Variants in SVEP1 observed in about 807,000 individuals in gnomAD.
SVEP1 encodes sushi, von Willebrand factor type A, EGF and pentraxin domain containing 1.
A neutral mutation model predicts 367.3 loss-of-function variants in SVEP1; 164 were observed. The observed-to-expected ratio is 0.45, with a 90% CI of 0.39 to 0.51. SVEP1 has a LOEUF of 0.51. SVEP1 is among the 20% of genes least tolerant of loss of function. The pLI is 0.00. For missense variants in SVEP1, 4,117 were observed against 4,425.3 expected, an observed-to-expected ratio of 0.93 and a Z score of 1.98; for synonymous variants, 1,666 against 1,611.6, an observed-to-expected ratio of 1.03 and a Z score of -0.81.
intron 26 of SVEP1, among the ~76,000 whole-genome samples, chr9:110,445,203 T>C (rs970632640): frequency 6.6e-6 from 1 of 152,140 alleles, no homozygotes; most frequent in Non-Finnish European, 1.5e-5. Context: ...TGATAAATAA[T>C]GTGGACAGTT....
intron 40 of SVEP1, among the ~76,000 whole-genome samples, chr9:110,389,956 CACAT>C (rs1827602872): frequency 6.7e-6 from 1 of 149,092 alleles, no homozygotes; most frequent in Non-Finnish European, 1.5e-5. Flanking sequence ...TATATACACA[CACAT>C]ACACAATAGA....
intron 18 of SVEP1, among the ~76,000 whole-genome samples, chr9:110,464,076 T>C (rs1828901029): frequency 6.6e-6 from 1 of 152,176 alleles, no homozygotes; most frequent in Non-Finnish European, 1.5e-5. Flanking sequence ...ATAAAAATCC[T>C]AGTTGCTTTT....
chr9:110,449,772 T>C (rs1212955907), intron 24 of SVEP1, among the ~76,000 whole-genome samples: 3 of 152,232 alleles, frequency 2.0e-5, no homozygotes, highest in Non-Finnish European at 4.4e-5. Flanking sequence ...TTATATTTCA[T>C]CTTTTATGAC....
intron 3 of SVEP1, among the ~76,000 whole-genome samples, chr9:110,529,812 G>T (rs1428328996): frequency 2.0e-5 from 3 of 152,036 alleles, no homozygotes; most frequent in African/African-American, 7.2e-5. Flanking sequence ...ATCGTCAGCA[G>T]AGTTAGTTTG....
intron 1 of SVEP1, among the ~76,000 whole-genome samples, chr9:110,565,743 G>T (rs150660663): frequency 2.0e-5 from 3 of 151,836 alleles, no homozygotes; most frequent in Non-Finnish European, 4.4e-5. Context: ...CCTGCCTTCC[G>T]CTTGGTCATG....
intron 1 of SVEP1, among the ~76,000 whole-genome samples, chr9:110,572,878 G>A (rs771581118): frequency 9.3e-5 from 14 of 150,604 alleles, no homozygotes; most frequent in Non-Finnish European, 1.8e-4. Flanking sequence ...ACGTACTGAG[G>A]ATTTATTTCT....
Position 110,446,882 on chromosome 9 carries a change from C to T in SVEP1, c.4261+18G>A, listed in dbSNP as rs1588057394. On this transcript the variant is annotated intron_variant, in intron 25 of 47. Coordinates refer to ENST00000374469, the MANE Select transcript of SVEP1 (RefSeq NM_153366.4). ...CTATTGTTAGTATTGTTATTAATAACACTGAGTTGATACATACCTGTTTCA... is the reference window on the plus strand; with the variant it reads ...CTATTGTTAGTATTGTTATTAATAATACTGAGTTGATACATACCTGTTTCA... 2.0e-6 allele frequency: 3 copies of T among 1,492,412 alleles called. No homozygotes were observed. The highest frequency in any genetic ancestry group is 2.7e-6 in the Non-Finnish European group (3 of 1,120,394). The allele number at this position is 1,492,412 out of a possible 1,614,324, so 92.4% of individuals were successfully genotyped here.
At chr9:110,440,205 C>G (rs62569914) in intron 27 of SVEP1, among the ~76,000 whole-genome samples, 19,760 of 152,246 alleles carry the variant, frequency 0.13, 1,607 homozygotes, top group South Asian at 0.23. Flanking sequence ...AGGCTCATTA[C>G]AGCCCAACAC....
At chr9:110,482,330 C>G in intron 11 of SVEP1, 31 bp downstream of exon 11, 1 of 1,601,172 alleles carries the variant, frequency 6.2e-7, no homozygotes, top group South Asian at 1.1e-5. Context: ...CAAATGTCAA[C>G]TAGAATTCTG....
intron 38 of SVEP1, among the ~76,000 whole-genome samples, chr9:110,404,755 TG>T (rs1160261569): frequency 1.3e-5 from 2 of 152,186 alleles, no homozygotes; most frequent in African/African-American, 4.8e-5. Flanking sequence ...CTGGGTGCGG[TG>T]GCTCATGCCT....
chr9:110,395,271 G>C (rs1354310918), intron 40 of SVEP1, among the ~76,000 whole-genome samples: 4 of 152,056 alleles, frequency 2.6e-5, no homozygotes, highest in Non-Finnish European at 5.9e-5. Context: ...AAGTGAAGGA[G>C]AAATAAAATC....
Position 110,528,152 on chromosome 9 carries a change from GTGTGTATATATATATATATATATA to G in SVEP1, c.965-14070_965-14047del, listed in dbSNP as rs1198420340. Among the ~76,000 whole-genome samples the G allele has an allele frequency of 2.3e-4, 5 of 22,084 alleles. 1 individual carries two copies. Among genetic ancestry groups the G allele is most frequent in the African/African-American group, 5.5e-4 (5 of 9,076 alleles). The allele number at this position is 22,084 out of a possible 152,430, so 14.5% of individuals were successfully genotyped here. A position where few individuals can be genotyped will look rare whatever the true frequency, so the allele number is the denominator to read the frequency against. On this transcript the variant is annotated intron_variant, in intron 3 of 47. Coordinates refer to ENST00000374469, the MANE Select transcript of SVEP1 (RefSeq NM_153366.4). ...CACACGTGTGTGTGTGTGTGTGTGT[GTGTGTATATATATATATATATATA>G]TATATATATATGCCACATTTTCTTT...
Position 110,468,978 on chromosome 9 carries a change from G to A in SVEP1, c.3122C>T (p.Thr1041Met), listed in dbSNP as rs74490463. The change falls in exon 17 of 48, where the codon ACG (threonine) becomes ATG (methionine). Residue 1041 changes from threonine to methionine, a missense_variant. By Grantham distance (81) the Thr-to-Met change is moderately conservative (BLOSUM62 -1). Coordinates refer to ENST00000374469, the MANE Select transcript of SVEP1 (RefSeq NM_153366.4). ...ECKLCPSGMY[T>M]EYIHSRNISD... ...GATGTTTCTTGAATGGATATATTCC[G>A]TGTACATCCCAGAGGGGCAAAGCTT... 1.3e-5 allele frequency: 21 copies of A among 1,613,280 alleles called. No homozygotes were observed. Among genetic ancestry groups the A allele is most frequent in the African/African-American group, 5.3e-5 (4 of 75,034 alleles).
intron 3 of SVEP1, among the ~76,000 whole-genome samples, chr9:110,528,010 T>C (rs1325495934): frequency 6.6e-6 from 1 of 151,122 alleles, no homozygotes; most frequent in Non-Finnish European, 1.5e-5. Flanking sequence ...TCCAGCTCCA[T>C]CAAAGTTGCT....
chr9:110,386,431 CA>C (rs1242585053), intron 42 of SVEP1, among the ~76,000 whole-genome samples: 1 of 152,128 alleles, frequency 6.6e-6, no homozygotes, highest in Non-Finnish European at 1.5e-5. Flanking sequence ...AGGGGTATAT[CA>C]AATATTCCCT....
At chr9:110,533,940 G>C (rs1036797282) in intron 3 of SVEP1, among the ~76,000 whole-genome samples, 3 of 152,154 alleles carry the variant, frequency 2.0e-5, no homozygotes, top group Non-Finnish European at 4.4e-5. Flanking sequence ...GATAATGACT[G>C]AGCAATGAGT....
rs1830122143 is a variant in SVEP1 at position 110,539,775 on chromosome 9, T to C, written c.964+6340A>G. On this transcript the variant is annotated intron_variant, in intron 3 of 47. Coordinates refer to ENST00000374469, the MANE Select transcript of SVEP1 (RefSeq NM_153366.4). Reference sequence around the variant, plus strand: ...TTTCTCTGTAACACTCCGATTTTAGTATATATGCTGCCAAAGCAAGCACAA... The same window carrying C: ...TTTCTCTGTAACACTCCGATTTTAGCATATATGCTGCCAAAGCAAGCACAA... Among the ~76,000 whole-genome samples, 4 of 151,970 alleles carry C rather than the reference T, an allele frequency of 2.6e-5. No homozygotes were observed. The South Asian group carries it at 8.3e-4, about 31-fold the overall frequency.
At position 110,377,299 on chromosome 9, in the gene SVEP1, C is replaced by G. The variant is rs373453333; in HGVS notation, c.10476G>C (p.Glu3492Asp). The change falls in exon 45 of 48, where the codon GAG (glutamate) becomes GAC (aspartate). Residue 3492 changes from glutamate to aspartate, a missense_variant. Coordinates refer to ENST00000374469, the MANE Select transcript of SVEP1 (RefSeq NM_153366.4). Reference sequence around the variant, plus strand: ...CTTCACAGAGGCGCCCCATCCAGCCCTCTGGACAGGAACAAGCATTTGGGC... The same window carrying G: ...CTTCACAGAGGCGCCCCATCCAGCCGTCTGGACAGGAACAAGCATTTGGGC... Reference protein sequence around the residue: ...CQRPNACSCPEGWMGRLCEEP... With the variant: ...CQRPNACSCPDGWMGRLCEEP... 5.6e-6 allele frequency: 9 copies of G among 1,613,654 alleles called. No individual in the cohort carries two copies. In the African/African-American group the frequency reaches 1.2e-4, roughly 22 times the overall value.
At chr9:110,464,050 G>C (rs894795681) in intron 18 of SVEP1, among the ~76,000 whole-genome samples, 1 of 152,140 alleles carries the variant, frequency 6.6e-6, no homozygotes, top group Non-Finnish European at 1.5e-5. Context: ...ATTGTCAAAT[G>C]TGAACTTGTT....
Sources: allele counts gnomAD v4.1 joint callset (sites outside exome capture counted in the v4.1 genomes callset), GRCh38; gene constraint gnomAD v4.1.1; transcripts MANE v1.5; gene names NCBI Gene and HGNC (gene_info 2026-07-23, HGNC 2026-07-21).